Variants in EPHX2 observed in about 807,000 individuals in gnomAD.
EPHX2 encodes epoxide hydrolase 2.
A neutral mutation model predicts 78.7 loss-of-function variants in EPHX2; 74 were observed. The observed-to-expected ratio is 0.94, with a 90% CI of 0.78 to 1.14. The LOEUF (loss-of-function observed/expected upper bound fraction) is 1.14. EPHX2 is among the 50% of genes most tolerant of loss of function. EPHX2 has a pLI of 0.00. For synonymous variants in EPHX2, 251 were observed against 255.2 expected (o/e 0.98, Z 0.16); for missense variants, 715 against 702.5 (o/e 1.02, Z -0.20).
chr8:27,535,271 G>C (rs1338698811), intron 12 of EPHX2, among the ~76,000 whole-genome samples: 3 of 152,058 alleles, frequency 2.0e-5, no homozygotes, highest in Non-Finnish European at 4.4e-5. Flanking sequence ...CTGCCTCCCG[G>C]GTCCAAGTGA....
downstream of EPHX2, among the ~76,000 whole-genome samples, chr8:27,547,621 T>C (rs1815596679): frequency 6.6e-6 from 1 of 152,190 alleles, no homozygotes; most frequent in South Asian, 2.1e-4. Flanking sequence ...ACTGTAGTCA[T>C]TGCTCAGTGC....
chr8:27,500,961 C>G lies in EPHX2; in HGVS notation c.137C>G (p.Pro46Arg). Residue 46 changes from proline to arginine, a missense_variant, in exon 2 of 19, where the codon CCA becomes CGA. Physicochemically the swap from Pro to Arg is moderately radical, Grantham distance 103 (BLOSUM62 -2). Transcript: ENST00000521400. ...AATGATGCTTTCCAGAAAGGGGGAC[C>G]AGAGGGTGCCACTACCCGGCTTATG... ...LLNDAFQKGG[P>R]EGATTRLMKG... 6.2e-7 allele frequency: 1 copy of G among 1,613,252 alleles called. No individual in the cohort carries two copies. Among genetic ancestry groups the G allele is most frequent in the Non-Finnish European group, 8.5e-7 (1 of 1,179,662 alleles).
intron 4 of EPHX2, 138 bp downstream of exon 4, chr8:27,505,284 C>A: frequency 1.2e-6 from 1 of 813,770 alleles, no homozygotes; most frequent in South Asian, 1.7e-5. Flanking sequence ...ACCACGTCTT[C>A]TCCTAGAAGA....
chr8:27,491,191 G>A lies in EPHX2; in HGVS notation c.-18G>A, dbSNP rs982996777. ...AGGTTAGCTGCGTGTCCGGGTGCTA[G>A]GCTGCAGACCCGCCGCCATGACGCT... On this transcript the variant is annotated 5_prime_UTR_variant, in exon 1 of 19. Coordinates refer to ENST00000521400, the MANE Select transcript of EPHX2 (RefSeq NM_001979.6). 2 of 1,566,178 alleles carry A rather than the reference G, an allele frequency of 1.3e-6. No individual in the cohort carries two copies. Among genetic ancestry groups the A allele is most frequent in the East Asian group, 2.4e-5 (1 of 42,256 alleles).
intron 12 of EPHX2, among the ~76,000 whole-genome samples, chr8:27,533,256 C>G (rs1268571092): frequency 6.6e-6 from 1 of 152,206 alleles, no homozygotes; most frequent in African/African-American, 2.4e-5. Context: ...AACCGAGGCT[C>G]TAGGGAAAGA....
At chr8:27,546,881 C>G (rs547957452), downstream of EPHX2, among the ~76,000 whole-genome samples, 5 of 152,154 alleles carry the variant, frequency 3.3e-5, no homozygotes, top group African/African-American at 1.2e-4. Context: ...AATTGGCTCA[C>G]GGTTCTGCAG....
intron 5 of EPHX2, among the ~76,000 whole-genome samples, chr8:27,509,427 T>TTTTTC (rs1206343123): frequency 2.6e-5 from 4 of 152,136 alleles, no homozygotes; most frequent in African/African-American, 9.7e-5. Context: ...GGAAATTCTG[T>TTTTTC]TTTTCTTTTC....
In EPHX2 at chr8:27,505,067, C is replaced by T. The variant is rs747000602; in HGVS notation, c.458C>T (p.Ser153Leu). Residue 153 changes from serine (S) to leucine (L), a missense_variant, in exon 4 of 19, where the codon TCG (serine) becomes TTG (leucine). Coordinates refer to ENST00000521400, the MANE Select transcript of EPHX2 (RefSeq NM_001979.6). ...LKMHFDFLIE[S>L]CQVGMVKPEP... is the part of the protein sequence containing the mutation. Reference sequence around the variant, plus strand: ...ATGCACTTTGACTTCCTGATAGAGTCGTGTCAGGTGGGAATGGTCAAACCT... The same window carrying T: ...ATGCACTTTGACTTCCTGATAGAGTTGTGTCAGGTGGGAATGGTCAAACCT... 30 of 1,613,994 alleles carry T rather than the reference C, an allele frequency of 1.9e-5. No individual in the cohort carries two copies. Among genetic ancestry groups the T allele is most frequent in the African/African-American group, 2.7e-5 (2 of 74,892 alleles).
At chr8:27,537,385 G>A (rs971101041) in intron 13 of EPHX2, among the ~76,000 whole-genome samples, 5 of 152,168 alleles carry the variant, frequency 3.3e-5, no homozygotes, top group African/African-American at 1.2e-4. Context: ...GAGTCTGTTG[G>A]TGGTAAATTC....
chr8:27,526,618 T>G (rs1814855431), intron 12 of EPHX2, among the ~76,000 whole-genome samples: 2 of 152,182 alleles, frequency 1.3e-5, no homozygotes, highest in Non-Finnish European at 2.9e-5. Context: ...CAACAGAAAT[T>G]CACAGTCTTA....
intron 4 of EPHX2, 61 bp downstream of exon 4, chr8:27,505,207 A>C (rs1585191121): frequency 6.4e-7 from 1 of 1,563,690 alleles, no homozygotes; most frequent in East Asian, 2.3e-5. Flanking sequence ...CCAGGGAAAA[A>C]CTGAGGAGTG....
At chr8:27,533,126 T>C (rs1372697472) in intron 12 of EPHX2, among the ~76,000 whole-genome samples, 2 of 152,056 alleles carry the variant, frequency 1.3e-5, no homozygotes, top group East Asian at 1.9e-4. Flanking sequence ...AAACGAATAA[T>C]AATAATAATG....
rs1585215904 is a variant in EPHX2, at chr8:27,531,377, A to C, written c.1171-5407A>C. On this transcript the variant is annotated intron_variant, in intron 12 of 18. Coordinates refer to ENST00000521400, the MANE Select transcript of EPHX2 (RefSeq NM_001979.6). Reference sequence around the variant, plus strand: ...AGAGCCTTCTAAGTCTTTGCTGTCCACCTCTTTCTCATCTGACCAGCCACA... The same window carrying C: ...AGAGCCTTCTAAGTCTTTGCTGTCCCCCTCTTTCTCATCTGACCAGCCACA... 2.0e-5 allele frequency among the ~76,000 whole-genome samples: 3 copies of C among 151,886 alleles called. No individual in the cohort carries two copies. In the South Asian group the frequency reaches 6.3e-4, roughly 32 times the overall value.
chr8:27,513,679 A>G (rs1236823849), intron 6 of EPHX2, among the ~76,000 whole-genome samples: 2 of 152,140 alleles, frequency 1.3e-5, no homozygotes, highest in African/African-American at 4.8e-5. Context: ...CAGAAAAAAA[A>G]TGAGATGGGA....
At chr8:27,534,817 G>C (rs970369636) in intron 12 of EPHX2, among the ~76,000 whole-genome samples, 9 of 152,174 alleles carry the variant, frequency 5.9e-5, no homozygotes, top group African/African-American at 2.2e-4. Context: ...CCACTAAGGG[G>C]ATCCCAGGAG....
At chr8:27,496,878 G>A (rs922274772) in intron 1 of EPHX2, among the ~76,000 whole-genome samples, 1 of 152,024 alleles carries the variant, frequency 6.6e-6, no homozygotes, top group Non-Finnish European at 1.5e-5. Context: ...ACAACAAATG[G>A]GTAACTTGTT....
chr8:27,512,363 A>G (rs1225799400), intron 6 of EPHX2, among the ~76,000 whole-genome samples: 1 of 152,226 alleles, frequency 6.6e-6, no homozygotes, highest in African/African-American at 2.4e-5. Context: ...GCATGTTTTC[A>G]TTCAACAGGC....
chr8:27,502,769 T>C (rs1418136951), intron 2 of EPHX2, among the ~76,000 whole-genome samples: 3 of 152,244 alleles, frequency 2.0e-5, no homozygotes, highest in African/African-American at 4.8e-5. Context: ...GCACCAGTCA[T>C]ATTGGATTAA....
At chr8:27,540,373 A>T (rs72477595) in intron 14 of EPHX2, among the ~76,000 whole-genome samples, 181 bp from the exon 15 acceptor site, 3,387 of 152,212 alleles carry the variant, frequency 0.022, 143 homozygotes, top group African/African-American at 0.077. Flanking sequence ...CCGTGAGATC[A>T]CAGCTTTGAG....
Sources: gnomAD v4.1 joint callset for allele counts (sites outside exome capture counted in the v4.1 genomes callset) on GRCh38, gnomAD v4.1.1 for gene constraint, MANE v1.5 for transcripts, NCBI Gene and HGNC (gene_info 2026-07-23, HGNC 2026-07-21) for gene names.